Variants in COL23A1 observed in about 807,000 individuals in gnomAD.
COL23A1 encodes collagen alpha-1(XXIII) chain.
COL23A1 carries 97 observed loss-of-function variants against 99.3 expected under a neutral mutation model. The ratio of observed to expected loss-of-function variants is 0.98; its 90% CI spans 0.83 to 1.16. COL23A1 has a LOEUF of 1.16. Ranked by LOEUF, COL23A1 falls within the 50% of genes most tolerant of loss-of-function variation. The probability of loss-of-function intolerance (pLI) is 0.00; values close to 1 mark genes in which losing one functional copy is unlikely to be tolerated. For synonymous variants in COL23A1, 320 were observed against 308.2 expected (o/e 1.04, Z -0.40); for missense variants, 762 against 757.4 (o/e 1.01, Z -0.07).
intron 2 of COL23A1, among the ~76,000 whole-genome samples, chr5:178,498,496 A>C (rs1321226945): frequency 6.6e-6 from 1 of 151,758 alleles, no homozygotes; most frequent in African/African-American, 2.4e-5. Context: ...CTTCAATAAA[A>C]AATGAGAAAA....
chr5:178,586,616 A>AAAC, intron 1 of COL23A1, among the ~76,000 whole-genome samples: 1 of 151,964 alleles, frequency 6.6e-6, no homozygotes, highest in Non-Finnish European at 1.5e-5. Flanking sequence ...CAAGGAAAAA[A>AAAC]AAAAAAGGAC....
chr5:178,540,691 G>A (rs998212150), intron 2 of COL23A1, among the ~76,000 whole-genome samples: 12 of 152,310 alleles, frequency 7.9e-5, no homozygotes, highest in Admixed American at 2.0e-4. Context: ...GGAGGCTGAC[G>A]TGGGAGGATG....
intron 2 of COL23A1, among the ~76,000 whole-genome samples, chr5:178,369,966 CG>C (rs1762712299): frequency 6.6e-6 from 1 of 152,088 alleles, no homozygotes; most frequent in South Asian, 2.1e-4. Flanking sequence ...AGATGTGGCC[CG>C]AAGTACTGAG....
chr5:178,464,698 G>C (rs1403734078), intron 2 of COL23A1, among the ~76,000 whole-genome samples: 1 of 152,232 alleles, frequency 6.6e-6, no homozygotes, highest in Non-Finnish European at 1.5e-5. Flanking sequence ...GATTTTTAAA[G>C]GGCACCTAAA....
intron 2 of COL23A1, among the ~76,000 whole-genome samples, chr5:178,462,942 G>A (rs1218833689): frequency 1.3e-5 from 2 of 152,208 alleles, no homozygotes; most frequent in Admixed American, 1.3e-4. Flanking sequence ...ACAGGAAGGC[G>A]GCGTTTGCTC....
In COL23A1 at chr5:178,415,926, A is replaced by G. The variant is rs1317755586; in HGVS notation, c.362-109007T>C. 6.6e-6 allele frequency among the ~76,000 whole-genome samples: 1 copy of G among 151,974 alleles called. No homozygotes were observed. The highest frequency in any genetic ancestry group is 2.1e-4 in the South Asian group (1 of 4,814). ...TGATTCCAGGGCTGGATGGGACCAGAGAGAGCTTTCAGGAGGTGAAGTCAG... is the reference window on the plus strand; with the variant it reads ...TGATTCCAGGGCTGGATGGGACCAGGGAGAGCTTTCAGGAGGTGAAGTCAG... On this transcript the variant is annotated intron_variant, in intron 2 of 28. Coordinates refer to ENST00000390654, the MANE Select transcript of COL23A1 (RefSeq NM_173465.4). The surrounding 1 kb of genome is among the most constrained non-coding windows in gnomAD (Gnocchi z 4.6).
chr5:178,506,383 A>G (rs899166279), intron 2 of COL23A1, among the ~76,000 whole-genome samples: 1 of 152,176 alleles, frequency 6.6e-6, no homozygotes, highest in Admixed American at 6.5e-5. Context: ...TTGATCAGAA[A>G]CCAGGGGACC....
chr5:178,249,716 A>ACACACACTCTCT, intron 18 of COL23A1, among the ~76,000 whole-genome samples: 179 of 92,804 alleles, frequency 1.9e-3, no homozygotes, highest in African/African-American at 7.1e-3. Flanking sequence ...ACACACACAC[A>ACACACACTCTCT]CTCTCTCTCT....
At chr5:178,517,402 G>A (rs1759582197) in intron 2 of COL23A1, among the ~76,000 whole-genome samples, 1 of 151,974 alleles carries the variant, frequency 6.6e-6, no homozygotes, top group South Asian at 2.1e-4. Flanking sequence ...GGAGGGAGAG[G>A]GCCCATGTCC....
At chr5:178,425,831 G>A (rs1288926154) in intron 2 of COL23A1, among the ~76,000 whole-genome samples, 1 of 152,250 alleles carries the variant, frequency 6.6e-6, no homozygotes, top group Non-Finnish European at 1.5e-5. Flanking sequence ...AACCAGGAGA[G>A]CCTGATGAAT....
At chr5:178,425,205 C>T (rs1765846665) in intron 2 of COL23A1, among the ~76,000 whole-genome samples, 2 of 152,056 alleles carry the variant, frequency 1.3e-5, no homozygotes, top group South Asian at 2.1e-4. Context: ...GGCAGATCAC[C>T]TGAGGTCAGG....
chr5:178,349,032 T>C (rs777640526), intron 2 of COL23A1, among the ~76,000 whole-genome samples: 44 of 151,734 alleles, frequency 2.9e-4, no homozygotes, highest in South Asian at 1.2e-3. Flanking sequence ...GAAGGCGGCA[T>C]TGTCTTCCTG....
intron 2 of COL23A1, chr5:178,345,174 T>C (rs896823867): frequency 6.1e-5 from 45 of 737,008 alleles, no homozygotes; most frequent in Non-Finnish European, 9.1e-5. Context: ...CTGGGTCACG[T>C]AGTCTCTAAC....
chr5:178,252,653 C>T (rs2033200), intron 16 of COL23A1, 56 bp from the exon 17 acceptor site: 678,181 of 1,490,134 alleles, frequency 0.46, 161,182 homozygotes, highest in South Asian at 0.5. Context: ...CCTCCCTTCG[C>T]TACCCATCCA....
chr5:178,446,288 C>T (rs1767155722), intron 2 of COL23A1, among the ~76,000 whole-genome samples: 1 of 151,494 alleles, frequency 6.6e-6, no homozygotes, highest in South Asian at 2.1e-4. Context: ...AAAAGATGTT[C>T]ACACAAGCAT....
chr5:178,356,033 G>T (rs1248431683), intron 2 of COL23A1, among the ~76,000 whole-genome samples: 1 of 152,216 alleles, frequency 6.6e-6, no homozygotes. Context: ...AAGATTTCTT[G>T]AAGTATAAAA....
At chr5:178,333,514 A>T (rs1760153847) in intron 2 of COL23A1, among the ~76,000 whole-genome samples, 1 of 150,938 alleles carries the variant, frequency 6.6e-6, no homozygotes, top group African/African-American at 2.4e-5. Flanking sequence ...TCATGTCCTC[A>T]CTCCTCTGCC....
intron 2 of COL23A1, among the ~76,000 whole-genome samples, chr5:178,551,332 T>A (rs1017967914): frequency 6.6e-6 from 1 of 152,012 alleles, no homozygotes. Context: ...TCTTTATTTA[T>A]AGGACATGAC....
chr5:178,537,276 G>A (rs369371043), intron 2 of COL23A1, among the ~76,000 whole-genome samples: 125 of 152,292 alleles, frequency 8.2e-4, no homozygotes, highest in African/African-American at 2.9e-3. Flanking sequence ...CCTCCCTGCC[G>A]CACCCTCAGG....
Sources: gnomAD v4.1 joint callset for allele counts (sites outside exome capture counted in the v4.1 genomes callset) on GRCh38, gnomAD v4.1.1 for gene constraint, Gnocchi (gnomAD v3.1) non-coding constraint, MANE v1.5 for transcripts, NCBI Gene and HGNC (gene_info 2026-07-23, HGNC 2026-07-21) for gene names.